CORIN: variants seen among roughly 807,000 people sequenced by gnomAD.
CORIN encodes the protein corin, serine peptidase, also known as atrial natriuretic peptide-converting enzyme.
Under a neutral mutation model 125.3 loss-of-function variants are expected in CORIN, and 117 were observed. The ratio of observed to expected loss-of-function variants is 0.93; its 90% CI spans 0.80 to 1.09. CORIN has a LOEUF of 1.09. CORIN is among the 50% of genes least tolerant of loss of function. CORIN has a pLI of 0.00. For synonymous variants in CORIN, 450 were observed against 466.4 expected (o/e 0.96, Z 0.45); for missense variants, 1,253 against 1,306.7 (o/e 0.96, Z 0.63).
In CORIN at chr4:47,804,017, G is replaced by A. The variant is rs996732584; in HGVS notation, c.208+2886C>T. ...TCAAACAACTTTCTTTTAAAAAATCGAATAATCCCACTTAAAAATGGGCAA... is the reference window on the plus strand; with the variant it reads ...TCAAACAACTTTCTTTTAAAAAATCAAATAATCCCACTTAAAAATGGGCAA... On this transcript the variant is annotated intron_variant, in intron 2 of 21. Coordinates refer to ENST00000273857, the MANE Select transcript of CORIN (RefSeq NM_006587.4). Among the ~76,000 whole-genome samples the A allele has an allele frequency of 5.9e-5, 9 of 152,124 alleles. No individual in the cohort carries two copies. In the South Asian group the frequency reaches 6.2e-4, roughly 11 times the overall value.
Position 47,660,591 on chromosome 4 carries a change from A to T in CORIN, c.1735+1120T>A, listed in dbSNP as rs1235516003. Among the ~76,000 whole-genome samples the T allele has an allele frequency of 2.0e-5, 3 of 152,160 alleles. No homozygotes were observed. In the East Asian group the frequency reaches 5.8e-4, roughly 29 times the overall value. ...TATGAAAAGGTGCTCAACATCACTGACTATCAGATAAATGCAAATCAAAAC... is the reference window on the plus strand; with the variant it reads ...TATGAAAAGGTGCTCAACATCACTGTCTATCAGATAAATGCAAATCAAAAC... On this transcript the variant is annotated intron_variant, in intron 12 of 21. Transcript: ENST00000273857.
intron 11 of CORIN, among the ~76,000 whole-genome samples, chr4:47,663,468 A>G (rs75529894): frequency 2.6e-5 from 4 of 152,204 alleles, no homozygotes; most frequent in African/African-American, 7.2e-5. Context: ...GACACTGAAA[A>G]TGAAAGATGT....
At chr4:47,744,256 A>G (rs554395106) in intron 5 of CORIN, 146 bp downstream of exon 5, 15 of 720,934 alleles carry the variant, frequency 2.1e-5, no homozygotes, top group Admixed American at 3.0e-5. Flanking sequence ...TTAATATTCT[A>G]TTCCTTGATC....
chr4:47,767,022 C>T (rs953688488), intron 3 of CORIN, among the ~76,000 whole-genome samples: 1 of 150,620 alleles, frequency 6.6e-6, no homozygotes, highest in Non-Finnish European at 1.5e-5. Context: ...TCCCTCCTGA[C>T]ATTTCACCAA....
chr4:47,613,556 C>CCCAA (rs1181010854), intron 19 of CORIN, among the ~76,000 whole-genome samples: 1 of 151,888 alleles, frequency 6.6e-6, no homozygotes, highest in African/African-American at 2.4e-5. Context: ...TTGGAACCAA[C>CCCAA]CCAAATGTCC....
intron 1 of CORIN, among the ~76,000 whole-genome samples, chr4:47,832,389 A>C (rs988601662): frequency 4.6e-5 from 7 of 150,712 alleles, no homozygotes; most frequent in African/African-American, 1.7e-4. Flanking sequence ...AAGCAAATAG[A>C]GGTGCTTTAC....
chr4:47,837,711 A>G (rs901253876), intron 1 of CORIN, among the ~76,000 whole-genome samples, 176 bp downstream of exon 1: 2 of 152,188 alleles, frequency 1.3e-5, no homozygotes, highest in Middle Eastern at 3.4e-3. Context: ...GCGCCTGGGA[A>G]CTGGGTGCAG....
chr4:47,805,145 A>AT (rs1553919322), intron 2 of CORIN, among the ~76,000 whole-genome samples: 2,282 of 144,078 alleles, frequency 0.016, 35 homozygotes, highest in Middle Eastern at 0.036. Context: ...CAAAAAAAAA[A>AT]AAAAATAATA....
intron 6 of CORIN, among the ~76,000 whole-genome samples, chr4:47,689,770 C>T (rs768179221): frequency 3.3e-5 from 5 of 152,172 alleles, no homozygotes; most frequent in Non-Finnish European, 7.3e-5. Flanking sequence ...GCTTCCAAGT[C>T]TGGCCGTCCA....
intron 5 of CORIN, among the ~76,000 whole-genome samples, chr4:47,697,648 C>T (rs559424526): frequency 1.3e-3 from 198 of 152,024 alleles, no homozygotes; most frequent in Admixed American, 2.6e-3. Flanking sequence ...ACCTGGGAGG[C>T]GGAGGTTGCA....
At chr4:47,825,456 C>T (rs940915211) in intron 1 of CORIN, among the ~76,000 whole-genome samples, 4 of 152,170 alleles carry the variant, frequency 2.6e-5, no homozygotes, top group Admixed American at 2.0e-4. Context: ...TGGGACCCAG[C>T]GATCCATGTT....
intron 16 of CORIN, among the ~76,000 whole-genome samples, chr4:47,631,381 T>G (rs553486705): frequency 6.6e-6 from 1 of 152,146 alleles, no homozygotes; most frequent in African/African-American, 2.4e-5. Context: ...CCTGTCCAAT[T>G]AGTGGCCTTA....
intron 16 of CORIN, among the ~76,000 whole-genome samples, chr4:47,626,789 G>C (rs1023298833): frequency 6.6e-5 from 10 of 152,166 alleles, no homozygotes; most frequent in African/African-American, 2.4e-4. Flanking sequence ...TTTAGGCAGA[G>C]ATCAAAAGTA....
chr4:47,829,594 T>G (rs1732888421), intron 1 of CORIN, among the ~76,000 whole-genome samples: 1 of 152,150 alleles, frequency 6.6e-6, no homozygotes, highest in African/African-American at 2.4e-5. Flanking sequence ...GCAACTGTCA[T>G]CTAAAGTGGG....
At chr4:47,710,836 T>C (rs2109776872) in intron 5 of CORIN, among the ~76,000 whole-genome samples, 1 of 152,342 alleles carries the variant, frequency 6.6e-6, no homozygotes, top group Non-Finnish European at 1.5e-5. Flanking sequence ...CGCTATACCA[T>C]CTAGTCTATC....
chr4:47,802,367 A>C (rs773628976), intron 2 of CORIN, among the ~76,000 whole-genome samples: 7 of 152,102 alleles, frequency 4.6e-5, no homozygotes, highest in Non-Finnish European at 8.8e-5. Context: ...GCCCTGGGCC[A>C]GAGAGGAGTC....
At chr4:47,659,097 C>A (rs1217216562) in intron 12 of CORIN, among the ~76,000 whole-genome samples, 1 of 152,216 alleles carries the variant, frequency 6.6e-6, no homozygotes, top group East Asian at 1.9e-4. Flanking sequence ...ATGGGTGAAC[C>A]TTTCCCCCGG....
At chr4:47,672,983 C>T (rs1724832081) in intron 10 of CORIN, among the ~76,000 whole-genome samples, 1 of 151,978 alleles carries the variant, frequency 6.6e-6, no homozygotes, top group Admixed American at 6.6e-5. Flanking sequence ...AAAATTAGGA[C>T]CGCGAAACTG....
At chr4:47,716,863 G>A (rs1727113301) in intron 5 of CORIN, among the ~76,000 whole-genome samples, 1 of 151,812 alleles carries the variant, frequency 6.6e-6, no homozygotes, top group African/African-American at 2.4e-5. Flanking sequence ...TAAAAATGAA[G>A]CCACTTTCAT....
Sources: gnomAD v4.1 joint callset for allele counts (sites outside exome capture counted in the v4.1 genomes callset) on GRCh38, gnomAD v4.1.1 for gene constraint, MANE v1.5 for transcripts, NCBI Gene and HGNC (gene_info 2026-07-23, HGNC 2026-07-21) for gene names.